ACACB: variants seen among roughly 807,000 people sequenced by gnomAD.
ACACB encodes the protein acetyl-CoA carboxylase 2.
A neutral mutation model predicts 278.8 loss-of-function variants in ACACB; 209 were observed. The observed-to-expected ratio is 0.75, with a 90% CI of 0.67 to 0.84. ACACB has a LOEUF of 0.84. Among genes scored for constraint, ACACB ranks in the 40% least tolerant of loss-of-function variants. The pLI is 0.00. For missense variants in ACACB, 2,850 were observed against 3,269.0 expected (o/e 0.87, Z 3.13); for synonymous variants, 1,174 against 1,285.6 (o/e 0.91, Z 1.86).
intron 2 of ACACB, among the ~76,000 whole-genome samples, chr12:109,163,083 C>A (rs1461103705): frequency 6.6e-6 from 1 of 152,104 alleles, no homozygotes; most frequent in Non-Finnish European, 1.5e-5. Flanking sequence ...GCCACCAAGC[C>A]CGGCTAATTT....
At chr12:109,221,133 A>C (rs930096253) in intron 24 of ACACB, among the ~76,000 whole-genome samples, 1 of 152,122 alleles carries the variant, frequency 6.6e-6, no homozygotes, top group Non-Finnish European at 1.5e-5. Context: ...GATTTAGAAC[A>C]CTTTCCTACC....
intron 17 of ACACB, among the ~76,000 whole-genome samples, chr12:109,198,045 G>A (rs2045203846): frequency 2.0e-5 from 3 of 151,934 alleles, no homozygotes; most frequent in Non-Finnish European, 2.9e-5. Context: ...CTACGGGCAT[G>A]TGCCACCACG....
At chr12:109,182,162 T>G (rs2044500669) in intron 11 of ACACB, among the ~76,000 whole-genome samples, 1 of 152,156 alleles carries the variant, frequency 6.6e-6, no homozygotes, top group South Asian at 2.1e-4. Context: ...TCTTATTGCC[T>G]GTCTTTTGGA....
intron 11 of ACACB, among the ~76,000 whole-genome samples, 199 bp from the exon 12 acceptor site, chr12:109,185,380 A>G (rs1222907975): frequency 1.3e-5 from 2 of 152,152 alleles, no homozygotes; most frequent in African/African-American, 4.8e-5. Context: ...TATTTGCTCC[A>G]CTGTGAAAAG....
chr12:109,185,623 T>C lies in ACACB; in HGVS notation c.1863T>C (p.Leu621=). The C allele has an allele frequency of 6.2e-7, 1 of 1,613,992 alleles. No individual in the cohort carries two copies. Among genetic ancestry groups the C allele is most frequent in the Non-Finnish European group, 8.5e-7 (1 of 1,179,972 alleles). Residue 621 remains leucine (L), a synonymous_variant, in exon 12 of 53, where the codon CTT becomes CTC. Transcript: ENST00000338432. Reference sequence around the variant, plus strand: ...TGCACCGGCTGAAGGATATCCGGCTTCTGTATGGAGAGTCACCATGGGGAG... The same window carrying C: ...TGCACCGGCTGAAGGATATCCGGCTCCTGTATGGAGAGTCACCATGGGGAG... The part of the protein sequence containing the change: ...VPLHRLKDIR[L]LYGESPWGVT...
Position 109,247,620 on chromosome 12 carries a change from G to A in ACACB, c.5586G>A (p.Leu1862=), listed in dbSNP as rs2046983881. The part of the protein sequence containing the change: ...PEDPHKGFKY[L]YLTPQDYTRI... Reference sequence around the variant, plus strand: ...TATTTTTTAAGGGATTTAAATACCTGTACCTGACTCCCCAAGACTACACCA... The same window carrying A: ...TATTTTTTAAGGGATTTAAATACCTATACCTGACTCCCCAAGACTACACCA... The change falls in exon 40 of 53, where the codon CTG becomes CTA. Residue 1862 remains leucine, a synonymous_variant. Transcript: ENST00000338432. 2 of 1,613,194 alleles carry A rather than the reference G, an allele frequency of 1.2e-6. No individual in the cohort carries two copies. Among genetic ancestry groups the A allele is most frequent in the South Asian group, 1.1e-5 (1 of 91,060 alleles).
chr12:109,149,924 TGG>T (rs1385361888), intron 2 of ACACB, among the ~76,000 whole-genome samples: 2 of 152,180 alleles, frequency 1.3e-5, no homozygotes, highest in Non-Finnish European at 2.9e-5. Context: ...TGGCTGAGGC[TGG>T]GGGCTGGTGT....
chr12:109,259,322 C>T (rs906858430), intron 47 of ACACB, among the ~76,000 whole-genome samples: 18 of 152,036 alleles, frequency 1.2e-4, no homozygotes, highest in African/African-American at 3.4e-4. Context: ...CCTGTAATCC[C>T]GGTGCTTTGG....
chr12:109,257,129 C>T (rs1426435649), intron 45 of ACACB, among the ~76,000 whole-genome samples: 2 of 152,082 alleles, frequency 1.3e-5, no homozygotes, highest in East Asian at 3.9e-4. Context: ...CAAAAATTAG[C>T]TGGGCGTGGT....
intron 47 of ACACB, chr12:109,260,228 G>A: frequency 7.3e-7 from 1 of 1,379,068 alleles, no homozygotes; most frequent in Non-Finnish European, 9.9e-7. Context: ...AATTCCAGTT[G>A]GAAAGAATCC....
chr12:109,153,419 C>T (rs917516869), intron 2 of ACACB, among the ~76,000 whole-genome samples: 9 of 152,126 alleles, frequency 5.9e-5, no homozygotes, highest in African/African-American at 1.7e-4. Flanking sequence ...TCTGAAGTTT[C>T]GCTGAAAAAT....
intron 1 of ACACB, among the ~76,000 whole-genome samples, chr12:109,118,042 G>A (rs1014198199): frequency 6.6e-6 from 1 of 152,014 alleles, no homozygotes; most frequent in Non-Finnish European, 1.5e-5. Flanking sequence ...GAGCCACCGC[G>A]CCTGGCCAAA....
intron 43 of ACACB, among the ~76,000 whole-genome samples, chr12:109,253,983 A>G (rs2047161106): frequency 1.3e-5 from 2 of 152,174 alleles, no homozygotes; most frequent in South Asian, 4.1e-4. Context: ...CAGTGACACC[A>G]TCTGAACCGG....
intron 1 of ACACB, among the ~76,000 whole-genome samples, chr12:109,129,627 T>C (rs1316961673): frequency 3.9e-5 from 6 of 152,226 alleles, no homozygotes; most frequent in African/African-American, 9.6e-5. Context: ...GGATGTTAAT[T>C]CAGCCTGGTC....
At chr12:109,226,361 T>C (rs1370478615) in intron 27 of ACACB, among the ~76,000 whole-genome samples, 2 of 152,158 alleles carry the variant, frequency 1.3e-5, no homozygotes, top group East Asian at 3.9e-4. Context: ...TGATAAACTA[T>C]AGACCATGGA....
At position 109,179,146 on chromosome 12, in the gene ACACB, G is replaced by A. The variant is rs201408408; in HGVS notation, c.1496G>A (p.Arg499His). The A allele has an allele frequency of 1.1e-4, 175 of 1,613,850 alleles. No homozygotes were observed. The highest frequency in any genetic ancestry group is 1.2e-4 in the Non-Finnish European group (137 of 1,179,974). Residue 499 changes from arginine (R) to histidine (H), a missense_variant, in exon 10 of 53, where the codon CGT (arginine) becomes CAT (histidine). Around this residue, in one of 3 missense-constraint regions of ACACB, gnomAD observed 2,265 missense variants for 2,561.3 expected, o/e 0.88. Transcript: ENST00000338432. ...CTCATGAAGCTGGCCCAGCACGCCC[G>A]TCACCTGGAAGTTCAGATCCTCGCT... Reference protein sequence around the residue: ...IFLMKLAQHARHLEVQILADQ... With the variant: ...IFLMKLAQHAHHLEVQILADQ...
chr12:109,176,317 G>A (rs978849725), intron 9 of ACACB, 54 bp downstream of exon 9: 10 of 1,453,946 alleles, frequency 6.9e-6, no homozygotes, highest in African/African-American at 2.8e-5. Context: ...TTGTTTGTGG[G>A]CTGCCAGATT....
Position 109,179,963 on chromosome 12 carries a change from C to T in ACACB, c.1694C>T (p.Thr565Ile). 6.2e-7 allele frequency: 1 copy of T among 1,613,974 alleles called. No individual in the cohort carries two copies. ...ACCGTGGGCTATGTGAGTGCAGGGA[C>T]AGTGGAATACCTCTATAGTCAGGAT... ...AKTVGYVSAG[T>I]VEYLYSQDGS... The change falls in exon 11 of 53, where the codon ACA (threonine) becomes ATA (isoleucine). Residue 565 changes from threonine to isoleucine, a missense_variant. Physicochemically the swap from Thr to Ile is moderately conservative, Grantham distance 89 (BLOSUM62 -1). Around this residue, in one of 3 missense-constraint regions of ACACB, gnomAD observed 2,265 missense variants for 2,561.3 expected, o/e 0.88. Coordinates refer to ENST00000338432, the MANE Select transcript of ACACB (RefSeq NM_001093.4).
At chr12:109,254,695 A>G (rs909993964) in intron 44 of ACACB, among the ~76,000 whole-genome samples, 2 of 152,106 alleles carry the variant, frequency 1.3e-5, no homozygotes, top group Non-Finnish European at 2.9e-5. Context: ...CAGAGTTTCA[A>G]AGAGAAGACT....
Sources: gnomAD v4.1 joint callset for allele counts (sites outside exome capture counted in the v4.1 genomes callset) on GRCh38, gnomAD v4.1.1 for gene constraint, gnomAD v4.1.1 regional missense constraint, MANE v1.5 for transcripts, NCBI Gene and HGNC (gene_info 2026-07-23, HGNC 2026-07-21) for gene names.